The following CADM2 variants were observed in gnomAD, a reference collection of about 807,000 sequenced individuals.
The protein encoded by CADM2 is immunoglobulin superfamily member 4D.
A neutral mutation model predicts 49.8 loss-of-function variants in CADM2; 12 were observed. The ratio of observed to expected loss-of-function variants is 0.24; its 90% CI spans 0.15 to 0.39. CADM2 has a LOEUF of 0.39. Among genes scored for constraint, CADM2 ranks in the 10% least tolerant of loss-of-function variants. The pLI is 1.00. For synonymous variants in CADM2, 214 were observed against 175.4 expected, an observed-to-expected ratio of 1.22 and a Z score of -1.74; for missense variants, 378 against 492.3, an observed-to-expected ratio of 0.77 and a Z score of 2.20.
chr3:85,552,305 A>C (rs1321957216), intron 1 of CADM2, among the ~76,000 whole-genome samples: 1 of 151,622 alleles, frequency 6.6e-6, no homozygotes, highest in East Asian at 1.9e-4. Context: ...ATTTGGAGAC[A>C]GGTGTACTTT....
At chr3:85,438,024 A>C (rs1164638179) in intron 1 of CADM2, among the ~76,000 whole-genome samples, 6 of 152,072 alleles carry the variant, frequency 3.9e-5, no homozygotes, top group Non-Finnish European at 5.9e-5. Flanking sequence ...ATTTAAAATT[A>C]TGGTTAATGC....
chr3:85,341,402 G>A (rs72903264), intron 1 of CADM2, among the ~76,000 whole-genome samples: 10,761 of 151,780 alleles, frequency 0.071, 725 homozygotes, highest in African/African-American at 0.17. Context: ...ACATTAGATG[G>A]TAAACTAAAA....
intron 1 of CADM2, among the ~76,000 whole-genome samples, chr3:85,474,310 A>G (rs2038891503): frequency 6.6e-6 from 1 of 151,808 alleles, no homozygotes; most frequent in South Asian, 2.1e-4. Context: ...GTCCGAAGAG[A>G]GTCTCTTGGC....
chr3:85,330,090 C>T (rs1259065129), intron 1 of CADM2, among the ~76,000 whole-genome samples: 1 of 152,104 alleles, frequency 6.6e-6, no homozygotes, highest in Non-Finnish European at 1.5e-5. Context: ...TAGTGAAGTT[C>T]TATTTCAGGT....
chr3:85,358,894 G>T (rs2032096790), intron 1 of CADM2, among the ~76,000 whole-genome samples: 1 of 152,156 alleles, frequency 6.6e-6, no homozygotes, highest in Non-Finnish European at 1.5e-5. Context: ...TAATCTTGTA[G>T]TTAGTGGGTT....
At chr3:85,312,143 AAATT>A (rs1362346149) in intron 1 of CADM2, among the ~76,000 whole-genome samples, 18 of 152,168 alleles carry the variant, frequency 1.2e-4, no homozygotes, top group African/African-American at 4.1e-4. Context: ...TTCAGCTTTG[AAATT>A]GACAATCCCC....
intron 2 of CADM2, among the ~76,000 whole-genome samples, chr3:85,755,044 C>A (rs187337459): frequency 2.2e-3 from 328 of 152,288 alleles, no homozygotes; most frequent in African/African-American, 7.6e-3. Flanking sequence ...TACAAAAACT[C>A]TCTGGCACCA....
intron 1 of CADM2, among the ~76,000 whole-genome samples, chr3:85,524,514 T>C (rs2061113410): frequency 6.6e-6 from 1 of 152,214 alleles, no homozygotes; most frequent in African/African-American, 2.4e-5. Context: ...ACTTGAATCT[T>C]TTTAAATTCA....
intron 1 of CADM2, among the ~76,000 whole-genome samples, chr3:85,328,132 A>G (rs1045553683): frequency 2.7e-4 from 41 of 152,216 alleles, no homozygotes; most frequent in African/African-American, 9.6e-4. Flanking sequence ...GTTCTCTAGT[A>G]ACAAGTAACT....
chr3:85,026,156 T>C (rs545736988), intron 1 of CADM2, among the ~76,000 whole-genome samples: 2 of 152,320 alleles, frequency 1.3e-5, no homozygotes, highest in East Asian at 3.9e-4. Flanking sequence ...TACATTATTC[T>C]TGAATAAGTT....
chr3:85,482,779 T>A (rs565465781), intron 1 of CADM2, among the ~76,000 whole-genome samples: 2 of 151,548 alleles, frequency 1.3e-5, no homozygotes, highest in Admixed American at 6.6e-5. Context: ...TCCTTGAAAA[T>A]ATATATATAA....
chr3:85,522,573 C>T (rs2061048930), intron 1 of CADM2, among the ~76,000 whole-genome samples: 1 of 151,934 alleles, frequency 6.6e-6, no homozygotes. Flanking sequence ...TTAGTATAAA[C>T]AAGTCTGGAC....
At chr3:85,516,447 G>A (rs889548869) in intron 1 of CADM2, among the ~76,000 whole-genome samples, 1 of 152,084 alleles carries the variant, frequency 6.6e-6, no homozygotes, top group Non-Finnish European at 1.5e-5. Context: ...AAATAAGTTG[G>A]TAGGCAGGTA....
At chr3:85,355,979 T>C (rs1285677987) in intron 1 of CADM2, among the ~76,000 whole-genome samples, 1 of 152,140 alleles carries the variant, frequency 6.6e-6, no homozygotes, top group Non-Finnish European at 1.5e-5. Flanking sequence ...GAGATATAAA[T>C]GTTGTGATCC....
chr3:85,039,199 C>T (rs547684490), intron 1 of CADM2, among the ~76,000 whole-genome samples: 1 of 152,262 alleles, frequency 6.6e-6, no homozygotes, highest in South Asian at 2.1e-4. Context: ...TGGGGCTTCT[C>T]CATGTTGGTC....
chr3:85,743,956 C>T (rs1305008376), intron 2 of CADM2, among the ~76,000 whole-genome samples: 1 of 152,122 alleles, frequency 6.6e-6, no homozygotes, highest in African/African-American at 2.4e-5. Context: ...TTAGGTACTT[C>T]TGTTCAATGG....
intron 8 of CADM2, among the ~76,000 whole-genome samples, chr3:86,005,278 G>C (rs568596786): frequency 4.6e-5 from 7 of 152,154 alleles, no homozygotes; most frequent in Non-Finnish European, 1.0e-4. Flanking sequence ...GTGGCCGGGC[G>C]TGGTGGCTCA....
At chr3:85,760,593 G>A (rs2069328246) in intron 2 of CADM2, among the ~76,000 whole-genome samples, 1 of 152,098 alleles carries the variant, frequency 6.6e-6, no homozygotes, top group Admixed American at 6.6e-5. Context: ...AGAAGTCAGT[G>A]TTCATTCAAA....
intron 5 of CADM2, among the ~76,000 whole-genome samples, chr3:85,899,628 G>C (rs1559730225): frequency 6.6e-6 from 1 of 152,062 alleles, no homozygotes; most frequent in Non-Finnish European, 1.5e-5. Flanking sequence ...AAGTTATTTA[G>C]AGGTTAGTCC....
Sources: allele counts gnomAD v4.1 joint callset (sites outside exome capture counted in the v4.1 genomes callset), GRCh38; gene constraint gnomAD v4.1.1; transcripts MANE v1.5; gene names NCBI Gene and HGNC (gene_info 2026-07-23, HGNC 2026-07-21).